The following MEF2A variants were observed in gnomAD, a reference collection of about 807,000 sequenced individuals.
MEF2A encodes myocyte enhancer factor 2A, also known as myocyte-specific enhancer factor 2A.
A neutral mutation model predicts 55.8 loss-of-function variants in MEF2A; 28 were observed. The observed-to-expected ratio is 0.50, with a 90% CI of 0.37 to 0.69. MEF2A has a LOEUF of 0.69. MEF2A is among the 30% of genes least tolerant of loss of function. The pLI is 0.00. For synonymous variants in MEF2A, 239 were observed against 227.1 expected (o/e 1.05, Z -0.47); for missense variants, 528 against 626.2 (o/e 0.84, Z 1.67).
At chr15:99,641,446 G>A (rs1445771345) in intron 3 of MEF2A, among the ~76,000 whole-genome samples, 2 of 152,080 alleles carry the variant, frequency 1.3e-5, no homozygotes, top group African/African-American at 4.8e-5. Context: ...CTTCTCGGCC[G>A]GGCGCGTTGG....
chr15:99,689,588 C>G (rs918574071), intron 7 of MEF2A, among the ~76,000 whole-genome samples: 2 of 152,208 alleles, frequency 1.3e-5, no homozygotes, highest in Non-Finnish European at 2.9e-5. Flanking sequence ...TCAAGTGATT[C>G]TCCTGCCTCA....
intron 1 of MEF2A, among the ~76,000 whole-genome samples, chr15:99,589,367 C>T (rs78929700): frequency 1.3e-5 from 2 of 152,228 alleles, no homozygotes; most frequent in East Asian, 3.9e-4. Context: ...ATGTTTGCAG[C>T]ATTTGTGGTG....
At chr15:99,684,957 C>A (rs910705713) in intron 7 of MEF2A, among the ~76,000 whole-genome samples, 8 of 152,088 alleles carry the variant, frequency 5.3e-5, no homozygotes, top group African/African-American at 1.9e-4. Context: ...GTGTCTTTTC[C>A]CTACTTTATG....
chr15:99,700,397 A>T (rs1229191791), intron 8 of MEF2A, among the ~76,000 whole-genome samples: 1 of 151,678 alleles, frequency 6.6e-6, no homozygotes, highest in African/African-American at 2.4e-5. Context: ...CCATAGTCCC[A>T]GCTACTTGGG....
At chr15:99,581,975 G>C (rs1456533088) in intron 1 of MEF2A, among the ~76,000 whole-genome samples, 1 of 151,966 alleles carries the variant, frequency 6.6e-6, no homozygotes, top group Non-Finnish European at 1.5e-5. Context: ...AGATTGGAGG[G>C]TTTTTCAGAA....
In MEF2A at chr15:99,619,550, A is replaced by G. The variant is rs762362966; in HGVS notation, c.-142-13428A>G. Among the ~76,000 whole-genome samples the G allele has an allele frequency of 2.4e-4, 37 of 152,230 alleles. 1 individual carries two copies. The highest frequency in any genetic ancestry group is 5.0e-4 in the Non-Finnish European group (34 of 68,036). ...TGTATTGCTGTTGTTACTATGCAGC[A>G]GGGCCCTAGAAAACCTTTCTTTCTC... On this transcript the variant is annotated intron_variant, in intron 2 of 11. Coordinates refer to ENST00000557942, the MANE Select transcript of MEF2A (RefSeq NM_001319206.4).
chr15:99,644,342 G>A (rs563909824), intron 3 of MEF2A, among the ~76,000 whole-genome samples: 42 of 152,264 alleles, frequency 2.8e-4, no homozygotes, highest in Non-Finnish European at 5.4e-4. Flanking sequence ...ATGCTACATA[G>A]GAAATAGACT....
At chr15:99,666,037 C>T (rs1420671777) in intron 4 of MEF2A, among the ~76,000 whole-genome samples, 2 of 152,080 alleles carry the variant, frequency 1.3e-5, no homozygotes, top group East Asian at 1.9e-4. Flanking sequence ...GGTGATTCCT[C>T]AAGGATCTAG....
chr15:99,631,212 G>C (rs2042888266), intron 2 of MEF2A, among the ~76,000 whole-genome samples: 1 of 152,144 alleles, frequency 6.6e-6, no homozygotes, highest in African/African-American at 2.4e-5. Context: ...CCATCTTACA[G>C]CCATTAAAAT....
At chr15:99,641,916 G>C (rs1414215824) in intron 3 of MEF2A, among the ~76,000 whole-genome samples, 1 of 152,162 alleles carries the variant, frequency 6.6e-6, no homozygotes, top group Non-Finnish European at 1.5e-5. Flanking sequence ...TGTTTTAGAA[G>C]CTGAGCGTGC....
intron 2 of MEF2A, among the ~76,000 whole-genome samples, chr15:99,601,625 G>A (rs934451844): frequency 6.6e-5 from 10 of 151,216 alleles, no homozygotes; most frequent in African/African-American, 2.2e-4. Context: ...TGTGCATATG[G>A]TCAGTTACAT....
At chr15:99,709,727 C>T (rs969755264) in intron 10 of MEF2A, among the ~76,000 whole-genome samples, 10 of 152,172 alleles carry the variant, frequency 6.6e-5, no homozygotes, top group African/African-American at 1.9e-4. Flanking sequence ...AATAACTCCC[C>T]GTGTGAGTGA....
intron 2 of MEF2A, among the ~76,000 whole-genome samples, chr15:99,602,653 G>GGGGTGTGTGTGTGT (rs1555454713): frequency 8.9e-5 from 4 of 44,842 alleles, no homozygotes; most frequent in Non-Finnish European, 9.1e-5. Flanking sequence ...ACATTCCTGG[G>GGGGTGTGTGTGTGT]GTGTGTGTGT....
rs1006512681 is a variant in MEF2A, at chr15:99,716,007, C to T, written c.*3236C>T. ...TCAACATAATTTCTGTATTAACCAT[C>T]ATGCGCACAAGAAATACATAGTAAA... is the stretch of plus-strand genomic sequence containing the variant. On this transcript the variant is annotated 3_prime_UTR_variant, in exon 12 of 12. Coordinates refer to ENST00000557942, the MANE Select transcript of MEF2A (RefSeq NM_001319206.4). The T allele has an allele frequency of 6.5e-6, 1 of 154,548 alleles. No individual in the cohort carries two copies. The highest frequency in any genetic ancestry group is 2.4e-5 in the African/African-American group (1 of 41,450). The allele number at this position is 154,548 out of a possible 1,614,324, so 9.6% of individuals were successfully genotyped here. A position where few individuals can be genotyped will look rare whatever the true frequency, so the allele number is the denominator to read the frequency against.
intron 2 of MEF2A, among the ~76,000 whole-genome samples, chr15:99,602,304 G>C (rs1973367354): frequency 1.3e-5 from 2 of 152,088 alleles, no homozygotes; most frequent in Admixed American, 1.3e-4. Flanking sequence ...TTCCCTTGGG[G>C]TGGGCTGTCT....
intron 5 of MEF2A, among the ~76,000 whole-genome samples, chr15:99,673,490 G>T (rs544837804): frequency 3.9e-5 from 6 of 152,234 alleles, no homozygotes; most frequent in African/African-American, 1.4e-4. Context: ...CTTTGAATTA[G>T]CAGTGTTACC....
Position 99,593,012 on chromosome 15 carries a change from CAAT to C in MEF2A, c.-224-5416_-224-5414del, listed in dbSNP as rs372693526. Among the ~76,000 whole-genome samples the C allele has an allele frequency of 3.1e-3, 466 of 152,254 alleles. 4 individuals are homozygous for C. The highest frequency in any genetic ancestry group is 0.011 in the African/African-American group (437 of 41,560). ...TATTATGAGTGTATTGGGTGGTATA[CAAT>C]ATTGTATTAAAATTAATTTCACCTT... On this transcript the variant is annotated intron_variant, in intron 1 of 11. Transcript: ENST00000557942.
rs563444771 is a variant in MEF2A at position 99,701,312 on chromosome 15, G to C, written c.859-2050G>C. On this transcript the variant is annotated intron_variant, in intron 8 of 11. Transcript: ENST00000557942. The stretch of plus-strand genomic sequence containing the variant: ...TGCAAAAATCCATGCCCTTCTATCT[G>C]ATTATGAATGAAAATCAGACCCAAA... Among the ~76,000 whole-genome samples the C allele has an allele frequency of 9.2e-5, 14 of 152,234 alleles. No homozygotes were observed. In the South Asian group the frequency reaches 2.7e-3, roughly 29 times the overall value.
At chr15:99,635,070 G>C (rs2043550206) in intron 3 of MEF2A, among the ~76,000 whole-genome samples, 1 of 152,110 alleles carries the variant, frequency 6.6e-6, no homozygotes, top group African/African-American at 2.4e-5. Context: ...TCCAGATTCA[G>C]ATATATACTA....
Sources: allele counts gnomAD v4.1 joint callset (sites outside exome capture counted in the v4.1 genomes callset), GRCh38; gene constraint gnomAD v4.1.1; transcripts MANE v1.5; gene names NCBI Gene and HGNC (gene_info 2026-07-23, HGNC 2026-07-21).